Variants in AADAT observed in about 807,000 individuals in gnomAD.
AADAT encodes the protein kynurenine/alpha-aminoadipate aminotransferase, mitochondrial.
A neutral mutation model predicts 56.2 loss-of-function variants in AADAT; 25 were observed. That is an observed-to-expected ratio of 0.44 (90% CI 0.32 to 0.62). The LOEUF (loss-of-function observed/expected upper bound fraction) is 0.62. Ranked by LOEUF, AADAT falls within the 20% of genes least tolerant of loss-of-function variation. The pLI, the probability that AADAT is intolerant of heterozygous loss-of-function variation, is 0.04. For missense variants in AADAT, 387 were observed against 510.5 expected, an observed-to-expected ratio of 0.76 and a Z score of 2.33; for synonymous variants, 173 against 164.7, an observed-to-expected ratio of 1.05 and a Z score of -0.39.
intron 3 of AADAT, among the ~76,000 whole-genome samples, chr4:170,082,722 TGAG>T (rs539487105): frequency 6.6e-5 from 10 of 151,862 alleles, no homozygotes; most frequent in African/African-American, 9.7e-5. Context: ...AGTCTGAAAA[TGAG>T]GAGGTGGAAA....
intron 3 of AADAT, among the ~76,000 whole-genome samples, chr4:170,085,454 A>C (rs1214044673): frequency 6.6e-6 from 1 of 152,198 alleles, no homozygotes; most frequent in African/African-American, 2.4e-5. Flanking sequence ...CTGGAGAACA[A>C]AGTGGAAGAA....
At chr4:170,072,271 GTGTGTGTGTGTATATATA>G (rs891192444) in intron 5 of AADAT, among the ~76,000 whole-genome samples, 2 of 148,588 alleles carry the variant, frequency 1.3e-5, no homozygotes, top group Admixed American at 1.3e-4. Flanking sequence ...GTATATATAT[GTGTGTGTGTGTATATATA>G]TGTGTGTGTG....
intron 3 of AADAT, among the ~76,000 whole-genome samples, chr4:170,083,937 T>C (rs528488336): frequency 1.3e-5 from 2 of 152,328 alleles, no homozygotes; most frequent in East Asian, 3.9e-4. Flanking sequence ...TGCACCTCCA[T>C]GTTTATTATG....
chr4:170,071,215 A>C lies in AADAT; in HGVS notation c.655-563T>G, dbSNP rs142142146. ...GGCGTGAGCCACTGCGCCCAGCTAG[A>C]TGGGTGGCTTTTAAGTGCTGGGCAG... On this transcript the variant is annotated intron_variant, in intron 5 of 12. Coordinates refer to ENST00000337664, the MANE Select transcript of AADAT (RefSeq NM_016228.4). Among the ~76,000 whole-genome samples, 914 of 152,298 alleles carry C rather than the reference A, an allele frequency of 6.0e-3. 5 individuals carry two copies. The highest frequency in any genetic ancestry group is 0.021 in the African/African-American group (866 of 41,576).
intron 11 of AADAT, 43 bp from the exon 12 acceptor site, chr4:170,062,036 A>C: frequency 7.3e-7 from 1 of 1,367,282 alleles, no homozygotes; most frequent in Non-Finnish European, 1.0e-6. Context: ...CACTAAAGAA[A>C]AACTCAAAGA....
intron 11 of AADAT, among the ~76,000 whole-genome samples, chr4:170,062,338 A>G (rs1731232017): frequency 6.6e-6 from 1 of 152,202 alleles, no homozygotes; most frequent in African/African-American, 2.4e-5. Context: ...CAAATGTTTA[A>G]TCTAACTAGA....
intron 3 of AADAT, among the ~76,000 whole-genome samples, chr4:170,080,109 ATGG>A (rs976784430): frequency 6.6e-6 from 1 of 152,172 alleles, no homozygotes; most frequent in Non-Finnish European, 1.5e-5. Context: ...CAGTTCCAAA[ATGG>A]TGGTGTAGAA....
intron 3 of AADAT, among the ~76,000 whole-genome samples, chr4:170,084,134 T>C (rs115193360): frequency 0.033 from 5,030 of 152,172 alleles, 279 homozygotes; most frequent in African/African-American, 0.11. Context: ...AAGCCAAGTA[T>C]AGAAACACAA....
At chr4:170,065,440 C>A (rs1731405574) in intron 10 of AADAT, among the ~76,000 whole-genome samples, 1 of 151,266 alleles carries the variant, frequency 6.6e-6, no homozygotes. Flanking sequence ...GCTGTTGATT[C>A]AAAGTTTTTC....
intron 11 of AADAT, among the ~76,000 whole-genome samples, chr4:170,063,843 A>C (rs1731314882): frequency 6.6e-6 from 1 of 152,222 alleles, no homozygotes; most frequent in Non-Finnish European, 1.5e-5. Context: ...TTAATGGAGA[A>C]GGAATAATTT....
intron 4 of AADAT, among the ~76,000 whole-genome samples, chr4:170,075,855 T>C (rs1367371559): frequency 6.6e-6 from 1 of 152,268 alleles, no homozygotes; most frequent in East Asian, 1.9e-4. Flanking sequence ...ATTTGTCCTT[T>C]TGTGTCTGGC....
chr4:170,074,834 C>CA (rs1458397411), intron 4 of AADAT, among the ~76,000 whole-genome samples: 8 of 151,414 alleles, frequency 5.3e-5, no homozygotes, highest in African/African-American at 1.9e-4. Context: ...TAGCTTTATA[C>CA]AAATTTGTGG....
chr4:170,077,244 C>T (rs1410122840), intron 4 of AADAT, among the ~76,000 whole-genome samples: 1 of 152,036 alleles, frequency 6.6e-6, no homozygotes, highest in African/African-American at 2.4e-5. Flanking sequence ...GTTGGCATAT[C>T]GATAGGGATT....
At position 170,088,593 on chromosome 4, in the gene AADAT, A is replaced by G. The variant is rs1732678686; in HGVS notation, c.68-29T>C. On this transcript the variant is annotated intron_variant, in intron 1 of 12. Coordinates refer to ENST00000337664, the MANE Select transcript of AADAT (RefSeq NM_016228.4). ...CAATACACATGGAAGAGAAGAAACA[A>G]TTTCATTGAAGATTGTTATAAGCGG... The G allele has an allele frequency of 1.9e-6, 3 of 1,586,318 alleles. No individual in the cohort carries two copies. In the South Asian group the frequency reaches 3.4e-5, roughly 18 times the overall value.
At chr4:170,087,315 A>C (rs749943631) in intron 2 of AADAT, 67 bp from the exon 3 acceptor site, 117 of 1,455,618 alleles carry the variant, frequency 8.0e-5, no homozygotes, top group Non-Finnish European at 1.1e-4. Context: ...TAGACAGGAA[A>C]TAATAAATGA....
intron 11 of AADAT, among the ~76,000 whole-genome samples, chr4:170,063,503 C>T (rs1457225658): frequency 6.6e-6 from 1 of 152,164 alleles, no homozygotes. Context: ...TACTACAATG[C>T]ATTTATTTGA....
At chr4:170,074,582 G>A (rs914727238) in intron 4 of AADAT, among the ~76,000 whole-genome samples, 1 of 152,078 alleles carries the variant, frequency 6.6e-6, no homozygotes, top group African/African-American at 2.4e-5. Flanking sequence ...TTAACAAGTG[G>A]TATAGCATGG....
At chr4:170,069,323 T>C (rs1015128779) in intron 6 of AADAT, 93 bp from the exon 7 acceptor site, 13 of 963,746 alleles carry the variant, frequency 1.3e-5, no homozygotes, top group Non-Finnish European at 2.1e-5. Flanking sequence ...GGAGATGGAT[T>C]TGGATAACAA....
chr4:170,088,892 A>C (rs1732695877), intron 1 of AADAT, among the ~76,000 whole-genome samples: 1 of 152,052 alleles, frequency 6.6e-6, no homozygotes, highest in Non-Finnish European at 1.5e-5. Flanking sequence ...CTACCACGTG[A>C]GGATGCAGCA....
Sources: allele counts gnomAD v4.1 joint callset (sites outside exome capture counted in the v4.1 genomes callset), GRCh38; gene constraint gnomAD v4.1.1; transcripts MANE v1.5; gene names NCBI Gene and HGNC (gene_info 2026-07-23, HGNC 2026-07-21).